The following SCUBE1 variants were observed in gnomAD, a reference collection of about 807,000 sequenced individuals.
SCUBE1 encodes signal peptide, CUB and EGF-like domain-containing protein 1.
Under a neutral mutation model 124.4 loss-of-function variants are expected in SCUBE1, and 59 were observed. The ratio of observed to expected loss-of-function variants is 0.47; its 90% confidence interval spans 0.38 to 0.59. The LOEUF (loss-of-function observed/expected upper bound fraction) is 0.59. SCUBE1 is among the 20% of genes least tolerant of loss of function. The pLI is 0.00. For missense variants in SCUBE1, 1,150 were observed against 1,371.2 expected, an observed-to-expected ratio of 0.84 and a Z score of 2.55; for synonymous variants, 545 against 550.9, an observed-to-expected ratio of 0.99 and a Z score of 0.15.
At chr22:43,229,485 C>T (rs1244511947) in intron 8 of SCUBE1, among the ~76,000 whole-genome samples, 1 of 152,204 alleles carries the variant, frequency 6.6e-6, no homozygotes, top group Non-Finnish European at 1.5e-5. Flanking sequence ...ATTTTACTAT[C>T]TCACAGTCAG....
chr22:43,245,433 T>A (rs1369649040), intron 6 of SCUBE1, among the ~76,000 whole-genome samples: 1 of 152,108 alleles, frequency 6.6e-6, no homozygotes, highest in East Asian at 1.9e-4. Flanking sequence ...CTGGTGACAG[T>A]GCATGCAGGT....
rs1921000664 is a variant in SCUBE1, at chr22:43,201,308, A to AAAGAAAAAAAAAAGAAAAAAGAAAAC, written c.*2688_*2689insGTTTTCTTTTTTCTTTTTTTTTTCTT. On this transcript the variant is annotated 3_prime_UTR_variant, in exon 22 of 22. Transcript: ENST00000360835. ...GACAGAGCGAGACTCCATCTCAAAA[A>AAAGAAAAAAAAAAGAAAAAAGAAAAC]AAAAAAAAAAAAAAAAAAAGAAAAC... The AAAGAAAAAAAAAAGAAAAAAGAAAAC allele has an allele frequency of 7.3e-6, 1 of 136,490 alleles. No homozygotes were observed. Among genetic ancestry groups the AAAGAAAAAAAAAAGAAAAAAGAAAAC allele is most frequent in the Non-Finnish European group, 1.6e-5 (1 of 63,366 alleles). The allele number at this position is 136,490 out of a possible 1,614,324, so 8.5% of individuals were successfully genotyped here.
At chr22:43,243,765 G>A (rs1330189451) in intron 6 of SCUBE1, among the ~76,000 whole-genome samples, 1 of 152,212 alleles carries the variant, frequency 6.6e-6, no homozygotes, top group Non-Finnish European at 1.5e-5. Flanking sequence ...GCATGGAGAT[G>A]ATCATATTTA....
chr22:43,208,229 G>C lies in SCUBE1; in HGVS notation c.2582-5C>G. On this transcript the variant is annotated splice_region_variant and splice_polypyrimidine_tract_variant and intron_variant, in intron 19 of 21. Coordinates refer to ENST00000360835, the MANE Select transcript of SCUBE1 (RefSeq NM_173050.5). ...TGGTGATGGACGTGGGAGAGGCTGC[G>C]GGTGAAGCATCATTGCTGAGCTGCC... is the stretch of plus-strand genomic sequence containing the variant. 3 of 1,613,800 alleles carry C rather than the reference G, an allele frequency of 1.9e-6. No homozygotes were observed. Among genetic ancestry groups the C allele is most frequent in the Non-Finnish European group, 2.5e-6 (3 of 1,179,912 alleles).
chr22:43,269,363 G>A (rs1251623038), intron 4 of SCUBE1, among the ~76,000 whole-genome samples: 1 of 152,182 alleles, frequency 6.6e-6, no homozygotes, highest in African/African-American at 2.4e-5. Flanking sequence ...CCGAGCCAGT[G>A]CGTACATCAC....
In SCUBE1 at chr22:43,217,368, T is replaced by G. The variant is rs6003111; in HGVS notation, c.1891+887A>C. On this transcript the variant is annotated intron_variant, in intron 15 of 21. Coordinates refer to ENST00000360835, the MANE Select transcript of SCUBE1 (RefSeq NM_173050.5). ...TCAAGTTTCCCTCCCCCCAGCCCAC[T>G]CTTCCTCAAATCCTTGGGGATTTGG... is the stretch of plus-strand genomic sequence containing the variant. Among the ~76,000 whole-genome samples, 504 of 120,932 alleles carry G rather than the reference T, an allele frequency of 4.2e-3. 2 individuals carry two copies. Among genetic ancestry groups the G allele is most frequent in the Non-Finnish European group, 6.0e-3 (356 of 59,322 alleles). 79.3% of individuals were successfully genotyped at this position (120,932 alleles called of 152,430 possible).
At chr22:43,250,634 C>T (rs1487946106) in intron 6 of SCUBE1, among the ~76,000 whole-genome samples, 3 of 152,158 alleles carry the variant, frequency 2.0e-5, no homozygotes, top group African/African-American at 7.2e-5. Flanking sequence ...TTCTGTGCCC[C>T]CATGTCGTCA....
chr22:43,326,816 T>G (rs991366692), intron 2 of SCUBE1, among the ~76,000 whole-genome samples: 2 of 152,072 alleles, frequency 1.3e-5, no homozygotes, highest in African/African-American at 2.4e-5. Flanking sequence ...TGACTCATGC[T>G]GTTCCCTCTG....
At chr22:43,293,675 T>A (rs115628961) in intron 3 of SCUBE1, among the ~76,000 whole-genome samples, 1 of 152,218 alleles carries the variant, frequency 6.6e-6, no homozygotes, top group South Asian at 2.1e-4. Flanking sequence ...GACCTGGACA[T>A]GGGCAGCTGT....
At chr22:43,214,043 CCCCGCCCA>C in intron 16 of SCUBE1, 39 bp downstream of exon 16, 1 of 455,668 alleles carries the variant, frequency 2.2e-6, no homozygotes, top group Non-Finnish European at 3.8e-6. Context: ...CAGGAGGAGC[CCCCGCCCA>C]CCCCCCACCC....
At chr22:43,298,467 C>T (rs1333386028) in intron 3 of SCUBE1, among the ~76,000 whole-genome samples, 1 of 152,220 alleles carries the variant, frequency 6.6e-6, no homozygotes, top group African/African-American at 2.4e-5. Context: ...TCCAGACCAG[C>T]AAGCTCACTG....
intron 6 of SCUBE1, among the ~76,000 whole-genome samples, chr22:43,249,435 T>C (rs1345303361): frequency 2.0e-5 from 3 of 152,144 alleles, no homozygotes; most frequent in East Asian, 3.9e-4. Flanking sequence ...ACTTAAATGA[T>C]GCTGGGGACA....
intron 6 of SCUBE1, among the ~76,000 whole-genome samples, chr22:43,248,011 G>C (rs1420109059): frequency 6.6e-6 from 1 of 152,226 alleles, no homozygotes; most frequent in Non-Finnish European, 1.5e-5. Context: ...AGAAACCTAG[G>C]GGAGGATTAA....
chr22:43,203,360 GTATA>G lies in SCUBE1; in HGVS notation c.*633_*636del, dbSNP rs899476193. The G allele has an allele frequency of 2.7e-5, 4 of 146,764 alleles. No homozygotes were observed. Among genetic ancestry groups the G allele is most frequent in the African/African-American group, 9.9e-5 (4 of 40,388 alleles). 9.1% of individuals were successfully genotyped at this position (146,764 alleles called of 1,614,324 possible). On this transcript the variant is annotated 3_prime_UTR_variant, in exon 22 of 22. Transcript: ENST00000360835. ...TTTCCTAAAGTACCCACAAATAGAAGTATATATATATATTTATATATATATTTAT... is the reference window on the plus strand; with the variant it reads ...TTTCCTAAAGTACCCACAAATAGAAGTATATATATTTATATATATATTTAT...
chr22:43,259,552 C>T (rs910841078), intron 5 of SCUBE1, among the ~76,000 whole-genome samples: 3 of 152,208 alleles, frequency 2.0e-5, no homozygotes, highest in Non-Finnish European at 4.4e-5. Context: ...TGTTTCAGAA[C>T]TGACTTCTCC....
Position 43,302,866 on chromosome 22 carries a change from C to T in SCUBE1, c.350-11686G>A, listed in dbSNP as rs979431745. On this transcript the variant is annotated intron_variant, in intron 3 of 21. Transcript: ENST00000360835. ...AGAAGGAGGAAACGCTCCCACGGGA[C>T]GCTTAATGAAGCGCCTCTGCGCCTA... Among the ~76,000 whole-genome samples, 10 of 152,362 alleles carry T rather than the reference C, an allele frequency of 6.6e-5. No individual in the cohort carries two copies. The East Asian group carries it at 9.6e-4, about 15-fold the overall frequency.
At chr22:43,325,988 A>G (rs74924289) in intron 2 of SCUBE1, among the ~76,000 whole-genome samples, 2,823 of 151,584 alleles carry the variant, frequency 0.019, 38 homozygotes, top group Non-Finnish European at 0.03. Context: ...TTCATAAAAT[A>G]TACATTTACT....
chr22:43,267,096 C>A (rs978830898), intron 4 of SCUBE1, among the ~76,000 whole-genome samples: 22 of 152,220 alleles, frequency 1.4e-4, no homozygotes, highest in Admixed American at 4.6e-4. Context: ...TACGACAGCA[C>A]TCCTATCTGC....
chr22:43,340,309 A>G (rs1195800578), intron 1 of SCUBE1, among the ~76,000 whole-genome samples: 2 of 152,066 alleles, frequency 1.3e-5, no homozygotes, highest in Non-Finnish European at 2.9e-5. Flanking sequence ...TTCATGTCCC[A>G]ACTTATAAAT....
Sources: allele counts gnomAD v4.1 joint callset (sites outside exome capture counted in the v4.1 genomes callset), GRCh38; gene constraint gnomAD v4.1.1; transcripts MANE v1.5; gene names NCBI Gene and HGNC (gene_info 2026-07-23, HGNC 2026-07-21).